The following CELSR2 variants were observed in gnomAD, a reference collection of about 807,000 sequenced individuals.
CELSR2 encodes the protein cadherin EGF LAG seven-pass G-type receptor 2.
Under a neutral mutation model 251.6 loss-of-function variants are expected in CELSR2, and 81 were observed. The observed-to-expected ratio is 0.32, with a 90% CI of 0.27 to 0.39. CELSR2 has a LOEUF of 0.39. Among genes scored for constraint, CELSR2 ranks in the 10% least tolerant of loss-of-function variants. CELSR2 has a pLI of 1.00. For synonymous variants in CELSR2, 1,721 were observed against 1,670.5 expected (o/e 1.03, Z -0.74); for missense variants, 3,365 against 3,947.7 (o/e 0.85, Z 3.96).
chr1:109,255,124 C>A (rs879841447), intron 1 of CELSR2, among the ~76,000 whole-genome samples: 1 of 152,222 alleles, frequency 6.6e-6, no homozygotes, highest in Non-Finnish European at 1.5e-5. Context: ...TCTGGCCCCA[C>A]CCTCTCCCTT....
Position 109,270,939 on chromosome 1 carries a change from G to T in CELSR2, c.7496G>T (p.Gly2499Val). The change falls in exon 25 of 34, where the codon GGC becomes GTC. Residue 2499 changes from glycine (G) to valine (V), a missense_variant. Physicochemically the swap from Gly to Val is moderately radical, Grantham distance 109. Transcript: ENST00000271332. ...VPAFITGLAV[G>V]LDPEGYGNPD... ...CTCCATGCTCCAGGGCTAGCCGTGG[G>T]CCTGGACCCCGAGGGCTACGGGAAC... The T allele has an allele frequency of 2.5e-6, 4 of 1,613,270 alleles. No homozygotes were observed. Among genetic ancestry groups the T allele is most frequent in the Non-Finnish European group, 3.4e-6 (4 of 1,179,564 alleles).
At chr1:109,264,706 G>C in intron 11 of CELSR2, 78 bp downstream of exon 11, 10 of 1,579,802 alleles carry the variant, frequency 6.3e-6, no homozygotes, top group African/African-American at 1.3e-5. Context: ...GTGACCTGGG[G>C]CATGGGGCAT....
In CELSR2 at chr1:109,263,269, T is replaced by C; in HGVS notation, c.4834+2T>C. On this transcript the variant is annotated splice_donor_variant, in intron 8 of 33. Transcript: ENST00000271332. LOFTEE classifies it high-confidence loss of function. ...TTGGGGGCAAGAGCTGCGCCCAGGG[T>C]AGGAGGGGCGGCTGTTAGAGGCCAC... is the stretch of plus-strand genomic sequence containing the variant. 1 of 1,571,394 alleles carries C rather than the reference T, an allele frequency of 6.4e-7. No homozygotes were observed. The highest frequency in any genetic ancestry group is 8.7e-7 in the Non-Finnish European group (1 of 1,151,540).
rs150401062 is a variant in CELSR2 at position 109,268,694 on chromosome 1, C to T, written c.6432C>T (p.Tyr2144=). ...GGCTGCTCCAGCACTATGAGGCCTACGCCAGTGCCCTGGCCCAGAACATGC... is the reference window on the plus strand; with the variant it reads ...GGCTGCTCCAGCACTATGAGGCCTATGCCAGTGCCCTGGCCCAGAACATGC... ...TAWLLQHYEA[Y]ASALAQNMRH... Residue 2144 remains tyrosine (Y), a synonymous_variant, in exon 18 of 34, where the codon TAC becomes TAT. Transcript: ENST00000271332. 143 of 1,613,870 alleles carry T rather than the reference C, an allele frequency of 8.9e-5. No homozygotes were observed. Among genetic ancestry groups the T allele is most frequent in the Middle Eastern group, 4.9e-4 (3 of 6,084 alleles).
intron 2 of CELSR2, among the ~76,000 whole-genome samples, chr1:109,260,825 G>A (rs1655999589): frequency 6.6e-6 from 1 of 152,210 alleles, no homozygotes; most frequent in Non-Finnish European, 1.5e-5. Flanking sequence ...GCTGTGGCGA[G>A]AGCGGCTCAG....
Position 109,252,411 on chromosome 1 carries a change from C to G in CELSR2, c.2332C>G (p.Gln778Glu). Reference sequence around the variant, plus strand: ...CCAGGCTGAGCTGGACTATGAAGACCAAGTGTCTTACACCCTGGCCATTAC... The same window carrying G: ...CCAGGCTGAGCTGGACTATGAAGACGAAGTGTCTTACACCCTGGCCATTAC... The part of the protein sequence containing the change: ...TTQAELDYED[Q>E]VSYTLAITAR... The change falls in exon 1 of 34, where the codon CAA becomes GAA. Residue 778 changes from glutamine to glutamate, a missense_variant. Coordinates refer to ENST00000271332, the MANE Select transcript of CELSR2 (RefSeq NM_001408.3). The surrounding 1 kb of genome is among the most constrained non-coding windows in gnomAD (Gnocchi z 4.8). 6.2e-7 allele frequency: 1 copy of G among 1,613,336 alleles called. No homozygotes were observed.
chr1:109,252,664 G>A lies in CELSR2; in HGVS notation c.2585G>A (p.Gly862Asp), dbSNP rs1291147952. 7.4e-6 allele frequency: 12 copies of A among 1,613,810 alleles called. No individual in the cohort carries two copies. Among genetic ancestry groups the A allele is most frequent in the African/African-American group, 1.3e-5 (1 of 74,942 alleles). The change falls in exon 1 of 34, where the codon GGT becomes GAT. Residue 862 changes from glycine (G) to aspartate (D), a missense_variant. By Grantham distance (94) the Gly-to-Asp change is moderately conservative (BLOSUM62 -1). Transcript: ENST00000271332. The surrounding 1 kb of genome is among the most constrained non-coding windows in gnomAD (Gnocchi z 4.8). ...YTFQGGDDGDGDFIVESTSGI... is the reference protein window; with the variant it reads ...YTFQGGDDGDDDFIVESTSGI... ...TTCCAAGGAGGCGACGATGGAGACG[G>A]TGACTTTATTGTTGAGTCCACGTCA...
Position 109,271,597 on chromosome 1 carries a change from C to T in CELSR2, c.7804-3C>T. The T allele has an allele frequency of 6.2e-7, 1 of 1,614,130 alleles. No homozygotes were observed. The highest frequency in any genetic ancestry group is 8.5e-7 in the Non-Finnish European group (1 of 1,180,038). On this transcript the variant is annotated splice_region_variant and splice_polypyrimidine_tract_variant and intron_variant, in intron 27 of 33. Coordinates refer to ENST00000271332, the MANE Select transcript of CELSR2 (RefSeq NM_001408.3). ...CAGACCGTTGCTGCCTCTTGCCTGCCAGGGCCCCTTCATCTTCCTCTCCTA... is the reference window on the plus strand; with the variant it reads ...CAGACCGTTGCTGCCTCTTGCCTGCTAGGGCCCCTTCATCTTCCTCTCCTA...
Position 109,269,531 on chromosome 1 carries a change from G to A in CELSR2, c.6920G>A (p.Arg2307His), listed in dbSNP as rs199671594. 3.1e-5 allele frequency: 50 copies of A among 1,614,082 alleles called. No individual in the cohort carries two copies. The highest frequency in any genetic ancestry group is 1.6e-4 in the South Asian group (15 of 91,084). ...GACAAACCCGTCACGGTGCAGTTCCGCCTGCTGGAGACAGAGGAGCGGACC... is the reference window on the plus strand; with the variant it reads ...GACAAACCCGTCACGGTGCAGTTCCACCTGCTGGAGACAGAGGAGCGGACC... ...ALDKPVTVQF[R>H]LLETEERTKP... is the part of the protein sequence containing the mutation. The change falls in exon 21 of 34, where the codon CGC becomes CAC. Residue 2307 changes from arginine (R) to histidine (H), a missense_variant. Physicochemically the swap from Arg to His is conservative, Grantham distance 29. Transcript: ENST00000271332. This position sits in a 1 kb window ranked among gnomAD's most constrained non-coding sequence, Gnocchi z 6.4.
chr1:109,258,940 C>T lies in CELSR2; in HGVS notation c.3819C>T (p.Arg1273=). The T allele has an allele frequency of 6.2e-7, 1 of 1,611,924 alleles. No homozygotes were observed. Among genetic ancestry groups the T allele is most frequent in the South Asian group, 1.1e-5 (1 of 91,020 alleles). Reference sequence around the variant, plus strand: ...CCATCCACCCCGTCGGAGGGCTGCGCTGCCGCTGCCCGCCCGGCTTCACGG... The same window carrying T: ...CCATCCACCCCGTCGGAGGGCTGCGTTGCCGCTGCCCGCCCGGCTTCACGG... The part of the protein sequence containing the change: ...FRPIHPVGGL[R]CRCPPGFTGD... Residue 1273 remains arginine, a synonymous_variant, in exon 2 of 34, where the codon CGC becomes CGT. Transcript: ENST00000271332.
In CELSR2 at chr1:109,269,897, TC is replaced by T. The variant is rs763339085; in HGVS notation, c.7108-34del. ...GGGCTGGGTGCTCAGGTCCTGCCCT[TC>T]CTAATTCCCTGGCCCCCTGCCACCT... On this transcript the variant is annotated intron_variant, in intron 22 of 33. Coordinates refer to ENST00000271332, the MANE Select transcript of CELSR2 (RefSeq NM_001408.3). The surrounding 1 kb of genome is among the most constrained non-coding windows in gnomAD (Gnocchi z 6.4). The T allele has an allele frequency of 1.2e-6, 2 of 1,613,832 alleles. No individual in the cohort carries two copies. Among genetic ancestry groups the T allele is most frequent in the Non-Finnish European group, 1.7e-6 (2 of 1,179,912 alleles).
Position 109,250,015 on chromosome 1 carries a change from C to T in CELSR2, c.-65C>T. On this transcript the variant is annotated 5_prime_UTR_variant, in exon 1 of 34. Coordinates refer to ENST00000271332, the MANE Select transcript of CELSR2 (RefSeq NM_001408.3). The surrounding 1 kb of genome is among the most constrained non-coding windows in gnomAD (Gnocchi z 4.4). ...GCCCGGGCATGAGGCGCGGCGGGGC[C>T]GGCAGGAGCCGGAGGAGGAGCCGCC... 2 of 1,245,224 alleles carry T rather than the reference C, an allele frequency of 1.6e-6. No individual in the cohort carries two copies. Among genetic ancestry groups the T allele is most frequent in the Non-Finnish European group, 2.0e-6 (2 of 998,748 alleles). 77.1% of individuals were successfully genotyped at this position (1,245,224 alleles called of 1,614,324 possible).
chr1:109,257,932 G>C (rs1483040077), intron 1 of CELSR2, among the ~76,000 whole-genome samples: 4 of 152,200 alleles, frequency 2.6e-5, no homozygotes, highest in African/African-American at 7.2e-5. Flanking sequence ...AGGGGGACTA[G>C]GTGGCCCACT....
intron 2 of CELSR2, among the ~76,000 whole-genome samples, chr1:109,259,894 G>T (rs1655971357): frequency 6.6e-6 from 1 of 152,052 alleles, no homozygotes; most frequent in African/African-American, 2.4e-5. Context: ...CTATGCTCCT[G>T]ACCCCTCCCT....
Position 109,249,541 on chromosome 1 carries a change from A to T in CELSR2, c.-539A>T, listed in dbSNP as rs1270431473. 6.7e-6 allele frequency among the ~76,000 whole-genome samples: 1 copy of T among 150,352 alleles called. No homozygotes were observed. Among genetic ancestry groups the T allele is most frequent in the Non-Finnish European group, 1.5e-5 (1 of 67,408 alleles). The stretch of plus-strand genomic sequence containing the variant: ...TAATGAGCCGCCGCCGCGACTCTGC[A>T]GAGCTCGCCCGCCCGCCGGGGAGGC... On this transcript the variant is annotated 5_prime_UTR_variant, in exon 1 of 34. Transcript: ENST00000271332.
intron 1 of CELSR2, 74 bp downstream of exon 1, chr1:109,253,463 G>C: frequency 6.6e-7 from 1 of 1,511,996 alleles, no homozygotes; most frequent in Non-Finnish European, 8.8e-7. Flanking sequence ...TGGAGGTAGG[G>C]TGCGATCCAG....
Position 109,269,241 on chromosome 1 carries a change from C to G in CELSR2, c.6763C>G (p.Leu2255Val). 6.2e-7 allele frequency: 1 copy of G among 1,613,074 alleles called. No homozygotes were observed. Among genetic ancestry groups the G allele is most frequent in the South Asian group, 1.1e-5 (1 of 91,064 alleles). ...AVASVIIYRTLAGLLPHNYDP... is the reference protein window; with the variant it reads ...AVASVIIYRTVAGLLPHNYDP... ...GGCCAGCGTCATCATCTACCGCACC[C>G]TGGCCGGGCTACTGCCTCATAACTA... is the stretch of plus-strand genomic sequence containing the variant. The change falls in exon 20 of 34, where the codon CTG becomes GTG. Residue 2255 changes from leucine (L) to valine (V), a missense_variant. Leu to Val is a conservative substitution (Grantham distance 32). This residue lies in a region of CELSR2 where 2,093 missense variants were observed against 2,382.8 expected (regional missense o/e 0.88). Coordinates refer to ENST00000271332, the MANE Select transcript of CELSR2 (RefSeq NM_001408.3). This position sits in a 1 kb window ranked among gnomAD's most constrained non-coding sequence, Gnocchi z 6.4.
chr1:109,263,264 C>A lies in CELSR2; in HGVS notation c.4831C>A (p.Gln1611Lys). 6.3e-7 allele frequency: 1 copy of A among 1,578,792 alleles called. No homozygotes were observed. The highest frequency in any genetic ancestry group is 1.1e-5 in the South Asian group (1 of 88,918). Residue 1611 changes from glutamine to lysine, a missense_variant, in exon 8 of 34, where the codon CAG becomes AAG. By Grantham distance (53) the Gln-to-Lys change is moderately conservative. Around this residue, in one of 5 missense-constraint regions of CELSR2, gnomAD observed 2,093 missense variants for 2,382.8 expected, o/e 0.88. Coordinates refer to ENST00000271332, the MANE Select transcript of CELSR2 (RefSeq NM_001408.3). ...GGGCTTTGGGGGCAAGAGCTGCGCCCAGGGTAGGAGGGGCGGCTGTTAGAG... is the reference window on the plus strand; with the variant it reads ...GGGCTTTGGGGGCAAGAGCTGCGCCAAGGGTAGGAGGGGCGGCTGTTAGAG... ...PLGFGGKSCA[Q>K]EMANPQHFLG... is the part of the protein sequence containing the mutation.
intron 8 of CELSR2, 91 bp downstream of exon 8, chr1:109,263,358 G>C: frequency 2.0e-6 from 3 of 1,486,826 alleles, no homozygotes; most frequent in Non-Finnish European, 2.7e-6. Context: ...GCAGGGCTCT[G>C]CTGAGCGGGG....
Sources: gnomAD v4.1 joint callset for allele counts (sites outside exome capture counted in the v4.1 genomes callset) on GRCh38, gnomAD v4.1.1 for gene constraint, gnomAD v4.1.1 regional missense constraint, Gnocchi (gnomAD v3.1) non-coding constraint, MANE v1.5 for transcripts, NCBI Gene and HGNC (gene_info 2026-07-23, HGNC 2026-07-21) for gene names.